The following DNMBP variants were observed in gnomAD, a reference collection of about 807,000 sequenced individuals.
The protein encoded by DNMBP is dynamin-binding protein.
A neutral mutation model predicts 150.0 loss-of-function variants in DNMBP; 87 were observed. The observed-to-expected ratio is 0.58, with a 90% CI of 0.49 to 0.69. The LOEUF is 0.69. Among genes scored for constraint, DNMBP ranks in the 30% least tolerant of loss-of-function variants. The probability of loss-of-function intolerance (pLI) is 0.00; values close to 1 mark genes in which losing one functional copy is unlikely to be tolerated. For missense variants in DNMBP, 1,774 were observed against 1,949.0 expected, an observed-to-expected ratio of 0.91 and a Z score of 1.69; for synonymous variants, 711 against 750.4, an observed-to-expected ratio of 0.95 and a Z score of 0.86.
chr10:99,966,889 C>A (rs773135188), intron 3 of DNMBP, among the ~76,000 whole-genome samples: 32 of 151,976 alleles, frequency 2.1e-4, no homozygotes, highest in Non-Finnish European at 3.4e-4. Flanking sequence ...CAGGCTCCTG[C>A]CTCAGTTTCC....
At chr10:99,887,709 G>A (rs1428745146) in intron 12 of DNMBP, among the ~76,000 whole-genome samples, 1 of 152,036 alleles carries the variant, frequency 6.6e-6, no homozygotes, top group African/African-American at 2.4e-5. Flanking sequence ...TTCACCCTCA[G>A]GCCACTTATA....
chr10:99,930,959 C>T (rs1048099117), intron 4 of DNMBP: 9 of 479,318 alleles, frequency 1.9e-5, no homozygotes, highest in Admixed American at 3.9e-5. Flanking sequence ...ATCCAATCAG[C>T]GAGCTACTCT....
At chr10:99,944,696 G>A (rs545232721) in intron 4 of DNMBP, among the ~76,000 whole-genome samples, 24 of 144,844 alleles carry the variant, frequency 1.7e-4, no homozygotes, top group African/African-American at 6.3e-4. Context: ...AATACCACAC[G>A]GAAGCCCACA....
At chr10:99,911,266 G>A (rs61872243) in intron 4 of DNMBP, among the ~76,000 whole-genome samples, 4,586 of 151,982 alleles carry the variant, frequency 0.03, 75 homozygotes, top group South Asian at 0.079. Flanking sequence ...TGTCATCCCC[G>A]CACTTTGGGA....
intron 4 of DNMBP, among the ~76,000 whole-genome samples, chr10:99,936,515 CTTTTTTTTTT>C (rs34804787): frequency 1.5e-5 from 2 of 134,356 alleles, no homozygotes; most frequent in African/African-American, 5.6e-5. Flanking sequence ...TTTCTTTTTT[CTTTTTTTTTT>C]TTTTTTTGAG....
At chr10:99,922,510 T>G (rs181367843) in intron 4 of DNMBP, among the ~76,000 whole-genome samples, 3 of 99,540 alleles carry the variant, frequency 3.0e-5, no homozygotes, top group South Asian at 4.1e-4. Flanking sequence ...CTGTTTTTTT[T>G]TTTTTTTTTT....
chr10:99,958,398 T>C (rs2040523401), intron 3 of DNMBP: 1 of 152,260 alleles, frequency 6.6e-6, no homozygotes, highest in South Asian at 2.1e-4. Context: ...CACGAGTAAC[T>C]GAGTTATATG....
At chr10:99,914,950 C>T (rs2039944589) in intron 4 of DNMBP, among the ~76,000 whole-genome samples, 1 of 151,046 alleles carries the variant, frequency 6.6e-6, no homozygotes, top group Admixed American at 6.6e-5. Context: ...AAAAATTAGC[C>T]TGGTGTGGTG....
rs114588289 is a variant in DNMBP at position 99,937,858 on chromosome 10, T to G, written c.2260+17356A>C. On this transcript the variant is annotated intron_variant, in intron 4 of 16. Transcript: ENST00000324109. Reference sequence around the variant, plus strand: ...CAAACCAATAGGAAGTCAACATTATTCGGGAGGACAGCTTTCACCACAAGT... The same window carrying G: ...CAAACCAATAGGAAGTCAACATTATGCGGGAGGACAGCTTTCACCACAAGT... Among the ~76,000 whole-genome samples, 1,015 of 152,316 alleles carry G rather than the reference T, an allele frequency of 6.7e-3. 11 individuals are homozygous for G. The highest frequency in any genetic ancestry group is 0.023 in the African/African-American group (971 of 41,572).
intron 3 of DNMBP, among the ~76,000 whole-genome samples, chr10:99,963,478 C>T (rs1035765536): frequency 5.9e-5 from 9 of 152,096 alleles, no homozygotes; most frequent in African/African-American, 1.9e-4. Context: ...TCCTTAGGAA[C>T]GGATCACTTT....
intron 4 of DNMBP, among the ~76,000 whole-genome samples, chr10:99,934,796 G>A (rs911993385): frequency 6.3e-5 from 8 of 127,660 alleles, no homozygotes; most frequent in Non-Finnish European, 1.2e-4. Context: ...TCGTAGCATA[G>A]AGCAATTAGT....
At chr10:99,882,528 G>A (rs1021455094) in intron 15 of DNMBP, among the ~76,000 whole-genome samples, 1 of 152,122 alleles carries the variant, frequency 6.6e-6, no homozygotes, top group Non-Finnish European at 1.5e-5. Flanking sequence ...AGGCTGCAGT[G>A]AGCCAAGATT....
At position 99,992,761 on chromosome 10, in the gene DNMBP, C is replaced by A. The variant is rs2040910700; in HGVS notation, c.-11+17077G>T. On this transcript the variant is annotated intron_variant, in intron 1 of 16. Coordinates refer to ENST00000324109, the MANE Select transcript of DNMBP (RefSeq NM_015221.4). ...CAGGATGGTCTCGATCTCATGACCT[C>A]GTGATCTACTCGCCTGGGCCTCCCA... Among the ~76,000 whole-genome samples the A allele has an allele frequency of 2.0e-5, 3 of 152,188 alleles. No homozygotes were observed. The South Asian group carries it at 6.2e-4, about 32-fold the overall frequency.
intron 4 of DNMBP, among the ~76,000 whole-genome samples, chr10:99,954,189 C>T (rs548057243): frequency 1.7e-4 from 26 of 152,124 alleles, no homozygotes; most frequent in South Asian, 6.2e-4. Context: ...TATACCACCA[C>T]TCCTGGCTAA....
Position 99,957,017 on chromosome 10 carries a change from G to A in DNMBP, c.457C>T (p.Leu153=), listed in dbSNP as rs1482314514. The A allele has an allele frequency of 1.2e-6, 2 of 1,614,184 alleles. No individual in the cohort carries two copies. Among genetic ancestry groups the A allele is most frequent in the Admixed American group, 1.7e-5 (1 of 60,016 alleles). The change falls in exon 4 of 17, where the codon CTA becomes TTA. Residue 153 remains leucine (L), a synonymous_variant. Coordinates refer to ENST00000324109, the MANE Select transcript of DNMBP (RefSeq NM_015221.4). ...TCCAGCTGAGCAGAAAGCCCCATTA[G>A]GGCCCGGGCTTGTCCCATGGAATAT... ...PEYSMGQARA[L]MGLSAQLDEE...
chr10:99,892,487 C>T (rs1219782582), intron 11 of DNMBP, among the ~76,000 whole-genome samples: 1 of 127,436 alleles, frequency 7.8e-6, no homozygotes, highest in African/African-American at 3.2e-5. Context: ...GAAACATGTG[C>T]TGTGTCCACT....
At position 99,892,155 on chromosome 10, in the gene DNMBP, C is replaced by T. The variant is rs867506735; in HGVS notation, c.3156+2791G>A. ...AGCCCCTCTGCCCGGCCAGCCGCCC[C>T]GTCCAGGAGGGAGGTGGGGGGGTCA... On this transcript the variant is annotated intron_variant, in intron 11 of 16. Transcript: ENST00000324109. Among the ~76,000 whole-genome samples, 14 of 141,940 alleles carry T rather than the reference C, an allele frequency of 9.9e-5. No individual in the cohort carries two copies. In the South Asian group the frequency reaches 1.1e-3, roughly 12 times the overall value. 93.1% of individuals were successfully genotyped at this position (141,940 alleles called of 152,430 possible). A position where few individuals can be genotyped will look rare whatever the true frequency, so the allele number is the denominator to read the frequency against.
At chr10:99,964,636 C>A (rs112565283) in intron 3 of DNMBP, among the ~76,000 whole-genome samples, 4 of 151,392 alleles carry the variant, frequency 2.6e-5, no homozygotes, top group Non-Finnish European at 5.9e-5. Context: ...TTTGGCAGGT[C>A]GAGGCAGGCG....
intron 1 of DNMBP, among the ~76,000 whole-genome samples, chr10:100,007,199 C>A (rs1408080142): frequency 6.6e-6 from 1 of 152,134 alleles, no homozygotes; most frequent in Non-Finnish European, 1.5e-5. Context: ...TATACATACA[C>A]ACACACACAC....
Sources: gnomAD v4.1 joint callset for allele counts (sites outside exome capture counted in the v4.1 genomes callset) on GRCh38, gnomAD v4.1.1 for gene constraint, MANE v1.5 for transcripts, NCBI Gene and HGNC (gene_info 2026-07-23, HGNC 2026-07-21) for gene names.